LRRC20: variants seen among roughly 807,000 people sequenced by gnomAD.
The protein encoded by LRRC20 is leucine rich repeat containing 20.
LRRC20 carries 11 observed loss-of-function variants against 14.4 expected under a neutral mutation model. The observed-to-expected ratio is 0.77, with a 90% CI of 0.48 to 1.27. The LOEUF (loss-of-function observed/expected upper bound fraction) is 1.27. Ranked by LOEUF, LRRC20 falls within the 50% of genes most tolerant of loss-of-function variation. The pLI, the probability that LRRC20 is intolerant of heterozygous loss-of-function variation, is 0.00. For synonymous variants in LRRC20, 121 were observed against 107.3 expected (o/e 1.13, Z -0.79); for missense variants, 219 against 251.2 (o/e 0.87, Z 0.87).
chr10:70,335,738 C>T (rs545897169), intron 3 of LRRC20, among the ~76,000 whole-genome samples: 4 of 152,354 alleles, frequency 2.6e-5, no homozygotes, highest in African/African-American at 9.6e-5. Flanking sequence ...CACACCATCC[C>T]TCCGCTCTGT....
intron 2 of LRRC20, 148 bp from the exon 3 acceptor site, chr10:70,340,850 C>A (rs111352689): frequency 1.3e-4 from 102 of 761,490 alleles, no homozygotes; most frequent in Non-Finnish European, 2.1e-4. Context: ...TCAGACCCTG[C>A]CCTCCCTCTT....
chr10:70,334,916 C>T (rs1416464064), intron 3 of LRRC20, among the ~76,000 whole-genome samples: 1 of 152,170 alleles, frequency 6.6e-6, no homozygotes, highest in Non-Finnish European at 1.5e-5. Flanking sequence ...CTCTGGCAGG[C>T]ACCAGGAGCT....
At chr10:70,361,678 C>A (rs974818408) in intron 2 of LRRC20, among the ~76,000 whole-genome samples, 24 of 152,224 alleles carry the variant, frequency 1.6e-4, no homozygotes, top group African/African-American at 5.5e-4. Context: ...TGAAGGCACA[C>A]CTGCCGGGGC....
chr10:70,306,102 GTCTCTCTC>G (rs55733521), intron 4 of LRRC20, among the ~76,000 whole-genome samples: 22 of 144,600 alleles, frequency 1.5e-4, no homozygotes, highest in South Asian at 6.6e-4. Context: ...TGCATTTTCT[GTCTCTCTC>G]TCTCTCTCTC....
intron 2 of LRRC20, among the ~76,000 whole-genome samples, chr10:70,371,899 C>T (rs150171190): frequency 1.7e-3 from 252 of 152,170 alleles, no homozygotes; most frequent in African/African-American, 5.8e-3. Flanking sequence ...GCAGGCCTGG[C>T]TCCAGCTCTA....
intron 4 of LRRC20, among the ~76,000 whole-genome samples, chr10:70,318,831 A>AGGG (rs1351942595): frequency 6.6e-6 from 1 of 151,940 alleles, no homozygotes. Context: ...TTTTTGAGAC[A>AGGG]GGGTCTCACT....
chr10:70,318,320 C>T (rs1013126507), intron 4 of LRRC20, among the ~76,000 whole-genome samples: 2 of 152,206 alleles, frequency 1.3e-5, no homozygotes, highest in Non-Finnish European at 2.9e-5. Context: ...CTAACCCGTT[C>T]TCTAGCGATG....
At chr10:70,357,607 T>C (rs1843573591) in intron 2 of LRRC20, among the ~76,000 whole-genome samples, 1 of 152,170 alleles carries the variant, frequency 6.6e-6, no homozygotes, top group African/African-American at 2.4e-5. Context: ...TCACAAGCCC[T>C]GGACGAGGAG....
intron 4 of LRRC20, among the ~76,000 whole-genome samples, chr10:70,313,881 T>C (rs1841757935): frequency 6.6e-6 from 1 of 152,174 alleles, no homozygotes. Flanking sequence ...TGGCACCACC[T>C]GGACCGGTAT....
intron 4 of LRRC20, among the ~76,000 whole-genome samples, chr10:70,313,921 A>G (rs955017982): frequency 6.6e-6 from 1 of 152,222 alleles, no homozygotes; most frequent in African/African-American, 2.4e-5. Flanking sequence ...GCTGATAAAG[A>G]CATACCAGAG....
intron 4 of LRRC20, among the ~76,000 whole-genome samples, chr10:70,305,248 G>A (rs1041085491): frequency 6.6e-6 from 1 of 152,130 alleles, no homozygotes; most frequent in Non-Finnish European, 1.5e-5. Flanking sequence ...GAACCTTGAG[G>A]TTCACCTGTC....
At chr10:70,304,192 C>G (rs1371502246) in intron 4 of LRRC20, among the ~76,000 whole-genome samples, 1 of 151,978 alleles carries the variant, frequency 6.6e-6, no homozygotes, top group Admixed American at 6.6e-5. Flanking sequence ...CGCTCTTCCC[C>G]GATCCAATTC....
intron 2 of LRRC20, among the ~76,000 whole-genome samples, chr10:70,366,636 C>T (rs1844011456): frequency 6.6e-6 from 1 of 152,124 alleles, no homozygotes; most frequent in Non-Finnish European, 1.5e-5. Context: ...TTGGAGCTCT[C>T]AATCTCTTTG....
chr10:70,324,081 G>A (rs1158461810), intron 3 of LRRC20, 51 bp from the exon 4 acceptor site: 5 of 1,565,808 alleles, frequency 3.2e-6, no homozygotes, highest in Admixed American at 3.4e-5. Context: ...GGGCCACCCC[G>A]AGACCACAGT....
chr10:70,362,251 G>C, intron 2 of LRRC20, among the ~76,000 whole-genome samples: 1 of 152,236 alleles, frequency 6.6e-6, no homozygotes, highest in East Asian at 1.9e-4. Flanking sequence ...TGAAGAACAG[G>C]GAAGAGCATC....
At chr10:70,310,612 A>G (rs1321906723) in intron 4 of LRRC20, among the ~76,000 whole-genome samples, 2 of 152,238 alleles carry the variant, frequency 1.3e-5, no homozygotes, top group Non-Finnish European at 1.5e-5. Context: ...CACAAAGCAC[A>G]GTGCTCACGG....
At chr10:70,314,727 T>G (rs1050935871) in intron 4 of LRRC20, among the ~76,000 whole-genome samples, 4 of 152,030 alleles carry the variant, frequency 2.6e-5, no homozygotes, top group African/African-American at 9.7e-5. Context: ...TGGTGAAAAC[T>G]TTTGCACAGT....
chr10:70,317,353 TC>T (rs1841901288), intron 4 of LRRC20, among the ~76,000 whole-genome samples: 1 of 151,378 alleles, frequency 6.6e-6, no homozygotes, highest in Admixed American at 6.6e-5. Context: ...CTTTTTTCCC[TC>T]TCTCTTTTTT....
intron 4 of LRRC20, among the ~76,000 whole-genome samples, chr10:70,304,506 A>T (rs866505027): frequency 1.0e-3 from 129 of 129,352 alleles, no homozygotes; most frequent in African/African-American, 3.7e-3. Context: ...ATATATATAT[A>T]TTTTACTAAG....
Sources: gnomAD v4.1 joint callset for allele counts (sites outside exome capture counted in the v4.1 genomes callset) on GRCh38, gnomAD v4.1.1 for gene constraint, MANE v1.5 for transcripts, NCBI Gene and HGNC (gene_info 2026-07-23, HGNC 2026-07-21) for gene names.